The following ST18 variants were observed in gnomAD, a reference collection of about 807,000 sequenced individuals.
ST18 encodes ST18 C2H2C-type zinc finger transcription factor.
Under a neutral mutation model 110.0 loss-of-function variants are expected in ST18, and 50 were observed. That is an observed-to-expected ratio of 0.45 (90% CI 0.36 to 0.58). The LOEUF (loss-of-function observed/expected upper bound fraction) is 0.58. ST18 is among the 20% of genes least tolerant of loss of function. The pLI is 0.00. For missense variants in ST18, 1,306 were observed against 1,280.1 expected, an observed-to-expected ratio of 1.02 and a Z score of -0.31; for synonymous variants, 461 against 452.4, an observed-to-expected ratio of 1.02 and a Z score of -0.24.
chr8:52,163,773 A>G (rs1343949813), intron 13 of ST18, among the ~76,000 whole-genome samples: 1 of 152,174 alleles, frequency 6.6e-6, no homozygotes, highest in Non-Finnish European at 1.5e-5. Context: ...ATGACTTTCA[A>G]GTTAAACTTC....
Position 52,387,110 on chromosome 8 carries a change from CT to C in ST18, c.-465+22217del, listed in dbSNP as rs1837092629. Among the ~76,000 whole-genome samples the C allele has an allele frequency of 2.0e-5, 3 of 151,996 alleles. No homozygotes were observed. In the South Asian group the frequency reaches 6.2e-4, roughly 32 times the overall value. ...TTCCTTTCCTCTTTCTCTCTCTTAG[CT>C]TTTTTCTTTCCTCTTTTCTTCATCC... On this transcript the variant is annotated intron_variant, in intron 2 of 25. Transcript: ENST00000689386.
chr8:52,359,474 A>C (rs1185086472), intron 2 of ST18, among the ~76,000 whole-genome samples: 5 of 152,160 alleles, frequency 3.3e-5, no homozygotes, highest in Admixed American at 6.5e-5. Context: ...GCGTAGACAC[A>C]TAAGAAGCAA....
chr8:52,321,009 T>C (rs1803659511), intron 2 of ST18, among the ~76,000 whole-genome samples: 1 of 152,268 alleles, frequency 6.6e-6, no homozygotes, highest in South Asian at 2.1e-4. Context: ...TGTTTTAAAA[T>C]GTTTACATTC....
chr8:52,138,599 C>T (rs1365214035), intron 17 of ST18, among the ~76,000 whole-genome samples: 1 of 152,156 alleles, frequency 6.6e-6, no homozygotes, highest in Non-Finnish European at 1.5e-5. Flanking sequence ...TAATAATAAT[C>T]ATGTAAGAAG....
chr8:52,279,643 G>A (rs369765684), intron 2 of ST18, among the ~76,000 whole-genome samples: 1 of 152,032 alleles, frequency 6.6e-6, no homozygotes, highest in African/African-American at 2.4e-5. Context: ...GCAAAACAGA[G>A]ATTATTTGAA....
At chr8:52,180,440 G>A (rs962618531) in intron 8 of ST18, 128 bp from the exon 9 acceptor site, 2 of 956,876 alleles carry the variant, frequency 2.1e-6, no homozygotes, top group Admixed American at 5.0e-5. Context: ...TTGGTTACTG[G>A]CACTAACAAA....
intron 15 of ST18, among the ~76,000 whole-genome samples, chr8:52,156,992 T>C (rs1365726650): frequency 2.6e-5 from 4 of 152,190 alleles, no homozygotes; most frequent in African/African-American, 9.6e-5. Context: ...TGGTTGGCAC[T>C]GAAAGGCTGA....
chr8:52,204,422 G>C (rs1309003320), intron 8 of ST18, among the ~76,000 whole-genome samples: 1 of 152,188 alleles, frequency 6.6e-6, no homozygotes, highest in Non-Finnish European at 1.5e-5. Flanking sequence ...AAAGGCGAGA[G>C]GGAGCCTTGG....
At chr8:52,301,538 C>T (rs773239208) in intron 2 of ST18, among the ~76,000 whole-genome samples, 3 of 152,024 alleles carry the variant, frequency 2.0e-5, no homozygotes, top group South Asian at 2.1e-4. Context: ...CTCAGTAAAA[C>T]AAGAATCGAT....
chr8:52,344,196 G>A (rs1167787897), intron 2 of ST18, among the ~76,000 whole-genome samples: 1 of 152,016 alleles, frequency 6.6e-6, no homozygotes, highest in Non-Finnish European at 1.5e-5. Flanking sequence ...TGCCCCCAAA[G>A]CATTCTAAGT....
At chr8:52,370,343 G>C (rs1469630369) in intron 2 of ST18, among the ~76,000 whole-genome samples, 1 of 150,544 alleles carries the variant, frequency 6.6e-6, no homozygotes, top group African/African-American at 2.5e-5. Flanking sequence ...ATGTTTATCA[G>C]GCAGGCACAT....
intron 8 of ST18, among the ~76,000 whole-genome samples, chr8:52,209,528 T>C (rs979297314): frequency 6.6e-6 from 1 of 151,906 alleles, no homozygotes; most frequent in Non-Finnish European, 1.5e-5. Context: ...TCCCAGCACT[T>C]TGGGAGGCCG....
chr8:52,278,030 T>C (rs2095307500), intron 2 of ST18, among the ~76,000 whole-genome samples: 1 of 152,174 alleles, frequency 6.6e-6, no homozygotes, highest in African/African-American at 2.4e-5. Context: ...ATTATTTTTA[T>C]AAAGATACAA....
chr8:52,154,612 C>T (rs960264010), intron 15 of ST18: 7 of 152,186 alleles, frequency 4.6e-5, no homozygotes, highest in South Asian at 4.1e-4. Context: ...CCTGTGGCCC[C>T]GTGGCAAGAC....
chr8:52,398,419 C>G (rs536629347), intron 2 of ST18, among the ~76,000 whole-genome samples: 13 of 152,122 alleles, frequency 8.5e-5, no homozygotes, highest in South Asian at 6.2e-4. Flanking sequence ...CTTTTCTTAT[C>G]TGACTGCTTT....
intron 2 of ST18, among the ~76,000 whole-genome samples, chr8:52,260,679 A>G (rs2094662326): frequency 6.6e-6 from 1 of 152,138 alleles, no homozygotes; most frequent in South Asian, 2.1e-4. Context: ...GTAATTTCTC[A>G]TTTCTATGCA....
chr8:52,239,739 A>G (rs1353110030), intron 2 of ST18, among the ~76,000 whole-genome samples: 1 of 152,024 alleles, frequency 6.6e-6, no homozygotes, highest in Non-Finnish European at 1.5e-5. Flanking sequence ...TCCCTCTCTC[A>G]CGCCTCCTAT....
chr8:52,205,405 G>T (rs1029702683), intron 8 of ST18, among the ~76,000 whole-genome samples: 1 of 151,822 alleles, frequency 6.6e-6, no homozygotes, highest in Non-Finnish European at 1.5e-5. Flanking sequence ...TCACTTGGGA[G>T]ATGGCATTTC....
intron 8 of ST18, among the ~76,000 whole-genome samples, chr8:52,191,862 C>G (rs2134898423): frequency 6.6e-6 from 1 of 152,228 alleles, no homozygotes; most frequent in Non-Finnish European, 1.5e-5. Flanking sequence ...AATGGTTTAA[C>G]TGGAATATCA....
Sources: gnomAD v4.1 joint callset for allele counts (sites outside exome capture counted in the v4.1 genomes callset) on GRCh38, gnomAD v4.1.1 for gene constraint, MANE v1.5 for transcripts, NCBI Gene and HGNC (gene_info 2026-07-23, HGNC 2026-07-21) for gene names.